Variants in GRM8 observed in about 807,000 individuals in gnomAD.
GRM8 encodes the protein metabotropic glutamate receptor 8.
In GRM8, 47 loss-of-function variants were observed where a neutral mutation model predicts 87.2. The ratio of observed to expected loss-of-function variants is 0.54; its 90% CI spans 0.43 to 0.69. The LOEUF is 0.69. Ranked by LOEUF, GRM8 falls within the 30% of genes least tolerant of loss-of-function variation. GRM8 has a pLI of 0.00. For synonymous variants in GRM8, 396 were observed against 404.5 expected (o/e 0.98, Z 0.25); for missense variants, 1,019 against 1,139.2 (o/e 0.89, Z 1.52).
At position 126,709,438 on chromosome 7, in the gene GRM8, GGAGGAAGAA is replaced by G. The variant is rs546422813; in HGVS notation, c.1357+60418_1357+60426del. Among the ~76,000 whole-genome samples, 517 of 151,708 alleles carry G rather than the reference GGAGGAAGAA, an allele frequency of 3.4e-3. 2 individuals are homozygous for G. Among genetic ancestry groups the G allele is most frequent in the Middle Eastern group, 0.01 (3 of 292 alleles). On this transcript the variant is annotated intron_variant, in intron 7 of 10. Transcript: ENST00000339582. ...AAGAAAAAGAAGAGGAGGAGGAGGA[GGAGGAAGAA>G]GAGGAAGAAGAGGACGAAAAAGAGG...
chr7:127,106,388 T>A (rs573128295), intron 3 of GRM8, 108 bp downstream of exon 3: 3 of 824,258 alleles, frequency 3.6e-6, no homozygotes, highest in Admixed American at 2.1e-5. Flanking sequence ...AGTTCATGCA[T>A]CTGTAGGAGT....
chr7:126,563,072 C>CT (rs996377234), intron 8 of GRM8, among the ~76,000 whole-genome samples: 2 of 152,164 alleles, frequency 1.3e-5, no homozygotes, highest in African/African-American at 4.8e-5. Context: ...GCTTAGAAGC[C>CT]TGTTATAATG....
chr7:126,784,747 T>C (rs1458219421), intron 6 of GRM8, among the ~76,000 whole-genome samples: 4 of 151,942 alleles, frequency 2.6e-5, no homozygotes, highest in East Asian at 1.9e-4. Context: ...TACCGTTTTT[T>C]AGGAAAACTG....
chr7:127,213,202 C>A (rs1563582695), intron 2 of GRM8, among the ~76,000 whole-genome samples: 2 of 152,182 alleles, frequency 1.3e-5, no homozygotes, highest in Non-Finnish European at 2.9e-5. Flanking sequence ...GAACTTCACT[C>A]AATTTACCTT....
chr7:126,840,882 C>A (rs1796210256), intron 6 of GRM8, among the ~76,000 whole-genome samples: 1 of 152,042 alleles, frequency 6.6e-6, no homozygotes, highest in Non-Finnish European at 1.5e-5. Flanking sequence ...TTACTCTTGC[C>A]CCTATCAGAG....
chr7:127,146,202 T>C (rs865910225), intron 2 of GRM8, among the ~76,000 whole-genome samples: 7 of 152,142 alleles, frequency 4.6e-5, no homozygotes, highest in Middle Eastern at 6.8e-3. Flanking sequence ...GTAATATAGA[T>C]AGGTCTCATA....
chr7:127,066,580 T>C (rs1002399414), intron 3 of GRM8, among the ~76,000 whole-genome samples: 6 of 152,194 alleles, frequency 3.9e-5, no homozygotes, highest in Non-Finnish European at 8.8e-5. Flanking sequence ...TTGTGATACA[T>C]AGAATGTATA....
At chr7:127,041,549 T>C (rs981921456) in intron 3 of GRM8, among the ~76,000 whole-genome samples, 1 of 152,220 alleles carries the variant, frequency 6.6e-6, no homozygotes, top group Admixed American at 6.5e-5. Flanking sequence ...GGAAGACAAA[T>C]GTACCAACAG....
chr7:126,850,762 T>G (rs985856817), intron 6 of GRM8, among the ~76,000 whole-genome samples: 14 of 152,330 alleles, frequency 9.2e-5, no homozygotes, highest in Admixed American at 6.5e-4. Context: ...ATTCATGTTT[T>G]GTCTGTGTCT....
At chr7:126,995,271 A>T (rs189538514) in intron 3 of GRM8, among the ~76,000 whole-genome samples, 2 of 152,306 alleles carry the variant, frequency 1.3e-5, no homozygotes, top group East Asian at 3.9e-4. Flanking sequence ...AGACTACAAT[A>T]AATACCCAAC....
intron 9 of GRM8, among the ~76,000 whole-genome samples, chr7:126,468,019 T>A (rs1804708852): frequency 6.6e-6 from 1 of 152,052 alleles, no homozygotes; most frequent in African/African-American, 2.4e-5. Context: ...ATAAACCTTT[T>A]ATAACGATAT....
In GRM8 at chr7:126,819,622, C is replaced by T. The variant is rs555717140; in HGVS notation, c.1157-49557G>A. Among the ~76,000 whole-genome samples the T allele has an allele frequency of 1.8e-3, 269 of 152,058 alleles. 1 individual carries two copies. The highest frequency in any genetic ancestry group is 6.1e-3 in the African/African-American group (252 of 41,478). Reference sequence around the variant, plus strand: ...AAGTATTCATTAAATGTTAAAGATGCCATTTCGACTTCATTTAATTTTATT... The same window carrying T: ...AAGTATTCATTAAATGTTAAAGATGTCATTTCGACTTCATTTAATTTTATT... On this transcript the variant is annotated intron_variant, in intron 6 of 10. Transcript: ENST00000339582.
At chr7:127,066,200 CCAAT>C (rs1252553140) in intron 3 of GRM8, among the ~76,000 whole-genome samples, 1 of 152,196 alleles carries the variant, frequency 6.6e-6, no homozygotes, top group Non-Finnish European at 1.5e-5. Context: ...TTCAATCCAA[CCAAT>C]CACTCACTGA....
At chr7:126,965,076 C>G (rs957233306) in intron 3 of GRM8, among the ~76,000 whole-genome samples, 1 of 152,146 alleles carries the variant, frequency 6.6e-6, no homozygotes, top group African/African-American at 2.4e-5. Flanking sequence ...CCAAACACCA[C>G]ATGTTCTCAC....
chr7:126,916,945 G>A (rs1300060274), intron 3 of GRM8, among the ~76,000 whole-genome samples: 1 of 152,210 alleles, frequency 6.6e-6, no homozygotes, highest in Non-Finnish European at 1.5e-5. Context: ...TTTGATCCAT[G>A]TGTTTAGTAC....
chr7:126,723,606 T>C (rs1169656383), intron 7 of GRM8, among the ~76,000 whole-genome samples: 1 of 151,868 alleles, frequency 6.6e-6, no homozygotes, highest in Non-Finnish European at 1.5e-5. Context: ...CTGCCAAAGA[T>C]ATCAAGGGAA....
At chr7:126,455,241 CTT>C (rs1803091885) in intron 9 of GRM8, among the ~76,000 whole-genome samples, 1 of 151,596 alleles carries the variant, frequency 6.6e-6, no homozygotes, top group Non-Finnish European at 1.5e-5. Flanking sequence ...GACACAGTCA[CTT>C]TTGAAAAGTC....
chr7:127,234,942 G>A (rs191038338), intron 2 of GRM8, among the ~76,000 whole-genome samples: 1 of 152,120 alleles, frequency 6.6e-6, no homozygotes, highest in East Asian at 1.9e-4. Context: ...GCTCTGAAGT[G>A]AAGTCCATAA....
intron 7 of GRM8, among the ~76,000 whole-genome samples, chr7:126,663,666 C>A (rs749706029): frequency 6.6e-6 from 1 of 152,150 alleles, no homozygotes; most frequent in African/African-American, 2.4e-5. Flanking sequence ...CCATCTATGA[C>A]AAACTCACAG....
Sources: allele counts gnomAD v4.1 joint callset (sites outside exome capture counted in the v4.1 genomes callset), GRCh38; gene constraint gnomAD v4.1.1; transcripts MANE v1.5; gene names NCBI Gene and HGNC (gene_info 2026-07-23, HGNC 2026-07-21).